WASL: variants seen among roughly 807,000 people sequenced by gnomAD.
WASL encodes the protein actin nucleation-promoting factor WASL.
In WASL, 20 loss-of-function variants were observed where a neutral mutation model predicts 55.5. That is an observed-to-expected ratio of 0.36 (90% confidence interval 0.25 to 0.52). WASL has a LOEUF of 0.52. Among genes scored for constraint, WASL ranks in the 20% least tolerant of loss-of-function variants. WASL has a pLI of 0.92. For synonymous variants in WASL, 249 were observed against 217.6 expected (o/e 1.14, Z -1.27); for missense variants, 504 against 622.5 (o/e 0.81, Z 2.03).
chr7:123,735,847 T>C (rs1208478734), intron 1 of WASL, among the ~76,000 whole-genome samples: 4 of 152,040 alleles, frequency 2.6e-5, no homozygotes, highest in Admixed American at 6.6e-5. Context: ...CTAATATATC[T>C]GAAACGCAGG....
chr7:123,684,457 C>A lies in WASL; in HGVS notation c.*62G>T. The A allele has an allele frequency of 1.9e-6, 1 of 516,258 alleles. No homozygotes were observed. 32.0% of individuals were successfully genotyped at this position (516,258 alleles called of 1,614,324 possible). On this transcript the variant is annotated 3_prime_UTR_variant, in exon 11 of 11. Transcript: ENST00000223023. The stretch of plus-strand genomic sequence containing the variant: ...TTACATGATAATTTTACAGAATCCA[C>A]AGACAGAAAGTAGTGTTTAGTATTT...
chr7:123,716,690 G>A (rs1198972759), intron 1 of WASL, among the ~76,000 whole-genome samples: 3 of 151,928 alleles, frequency 2.0e-5, no homozygotes, highest in Admixed American at 1.3e-4. Flanking sequence ...GAAGGAAGGG[G>A]GAGAGAAAGA....
chr7:123,731,791 G>A (rs1290820682), intron 1 of WASL, among the ~76,000 whole-genome samples: 1 of 152,060 alleles, frequency 6.6e-6, no homozygotes, highest in Non-Finnish European at 1.5e-5. Flanking sequence ...AGGAAAAGCA[G>A]AAATGTGCTA....
intron 1 of WASL, among the ~76,000 whole-genome samples, chr7:123,717,191 G>GA (rs891230922): frequency 1.3e-4 from 19 of 150,448 alleles, no homozygotes; most frequent in African/African-American, 3.4e-4. Context: ...TGGTGCATGA[G>GA]AAAAAAAAAC....
chr7:123,735,114 C>T (rs1198972892), intron 1 of WASL, among the ~76,000 whole-genome samples: 1 of 133,522 alleles, frequency 7.5e-6, no homozygotes, highest in East Asian at 2.2e-4. Context: ...AATGAATACA[C>T]AGTGCAAGTG....
intron 1 of WASL, among the ~76,000 whole-genome samples, chr7:123,717,085 G>GC (rs1803857786): frequency 6.6e-6 from 1 of 151,848 alleles, no homozygotes; most frequent in Non-Finnish European, 1.5e-5. Flanking sequence ...TTTCTCTAAC[G>GC]CCCCCTTTTG....
chr7:123,731,549 T>A (rs1357466256), intron 1 of WASL, among the ~76,000 whole-genome samples: 1 of 152,080 alleles, frequency 6.6e-6, no homozygotes, highest in African/African-American at 2.4e-5. Context: ...AGAGACCACA[T>A]TTTGGGCCAT....
In WASL at chr7:123,684,364, T is replaced by A; in HGVS notation, c.*155A>T. On this transcript the variant is annotated 3_prime_UTR_variant, in exon 11 of 11. Transcript: ENST00000223023. ...TTACGACAAACCTTTACAGATTAAA[T>A]GAGGTATTGCACAGATTAAAAAAAA... is the stretch of plus-strand genomic sequence containing the variant. 1 of 308,540 alleles carries A rather than the reference T, an allele frequency of 3.2e-6. No individual in the cohort carries two copies. Among genetic ancestry groups the A allele is most frequent in the Non-Finnish European group, 6.2e-6 (1 of 161,262 alleles). The allele number at this position is 308,540 out of a possible 1,614,324, so 19.1% of individuals were successfully genotyped here.
At chr7:123,732,779 A>C (rs1804161299) in intron 1 of WASL, among the ~76,000 whole-genome samples, 1 of 152,122 alleles carries the variant, frequency 6.6e-6, no homozygotes, top group Admixed American at 6.6e-5. Flanking sequence ...ACAAAGATGG[A>C]AAAAAAATCA....
At chr7:123,725,993 AT>A (rs1352373106) in intron 1 of WASL, among the ~76,000 whole-genome samples, 5 of 152,188 alleles carry the variant, frequency 3.3e-5, no homozygotes, top group African/African-American at 1.2e-4. Context: ...ACTGTTAAAT[AT>A]TACCTAGAGA....
chr7:123,748,064 G>T (rs1175880761), intron 1 of WASL, among the ~76,000 whole-genome samples: 3 of 152,004 alleles, frequency 2.0e-5, no homozygotes, highest in Admixed American at 2.0e-4. Context: ...TCTCTTTAAC[G>T]AAGAGCAATA....
intron 1 of WASL, among the ~76,000 whole-genome samples, chr7:123,727,353 TCACACACA>T (rs150375537): frequency 2.0e-4 from 30 of 147,818 alleles, no homozygotes; most frequent in African/African-American, 3.5e-4. Context: ...AAAATATGTG[TCACACACA>T]CACACACACA....
intron 1 of WASL, among the ~76,000 whole-genome samples, chr7:123,715,587 A>G (rs1468270818): frequency 2.6e-5 from 4 of 152,204 alleles, no homozygotes; most frequent in Admixed American, 2.6e-4. Flanking sequence ...GTTATGACAA[A>G]TTTTTGGTTA....
chr7:123,748,832 G>A lies in WASL; in HGVS notation c.-98C>T. The stretch of plus-strand genomic sequence containing the variant: ...GGTGACAGGGGCGGGGAGAAGTGGA[G>A]TCAGAGGCGCCACATCTCGCAGCTC... On this transcript the variant is annotated 5_prime_UTR_variant, in exon 1 of 11. Coordinates refer to ENST00000223023, the MANE Select transcript of WASL (RefSeq NM_003941.4). The A allele has an allele frequency of 9.7e-7, 1 of 1,032,140 alleles. No homozygotes were observed. Among genetic ancestry groups the A allele is most frequent in the Non-Finnish European group, 1.4e-6 (1 of 733,786 alleles). The allele number at this position is 1,032,140 out of a possible 1,614,324, so 63.9% of individuals were successfully genotyped here. A position where few individuals can be genotyped will look rare whatever the true frequency, so the allele number is the denominator to read the frequency against.
intron 9 of WASL, among the ~76,000 whole-genome samples, chr7:123,690,351 G>T (rs187944691): frequency 6.6e-6 from 1 of 152,264 alleles, no homozygotes; most frequent in East Asian, 1.9e-4. Flanking sequence ...TTTAAAGTAA[G>T]TCTATGGTTT....
intron 2 of WASL, 46 bp from the exon 3 acceptor site, chr7:123,706,872 C>A: frequency 1.7e-6 from 2 of 1,210,288 alleles, no homozygotes; most frequent in Non-Finnish European, 1.2e-6. Context: ...AAAACATAAT[C>A]TCTAGGAATA....
intron 1 of WASL, among the ~76,000 whole-genome samples, chr7:123,736,727 G>T (rs1162519551): frequency 1.3e-5 from 2 of 152,170 alleles, no homozygotes; most frequent in Non-Finnish European, 2.9e-5. Flanking sequence ...GTATAAAAGT[G>T]CAGAAGAAAA....
rs778548745 is a variant in WASL at position 123,706,733 on chromosome 7, G to T, written c.339+7C>A. The T allele has an allele frequency of 2.9e-5, 45 of 1,545,850 alleles. No homozygotes were observed. The highest frequency in any genetic ancestry group is 3.6e-5 in the Non-Finnish European group (41 of 1,146,272). On this transcript the variant is annotated splice_region_variant and intron_variant, in intron 3 of 10. Transcript: ENST00000223023. ...TAAAGATGGCAATAAAGAAAAATATGACTTACATCTCCAGCAAAGGTATGA... is the reference window on the plus strand; with the variant it reads ...TAAAGATGGCAATAAAGAAAAATATTACTTACATCTCCAGCAAAGGTATGA...
At chr7:123,727,243 G>C (rs954436778) in intron 1 of WASL, among the ~76,000 whole-genome samples, 1 of 152,072 alleles carries the variant, frequency 6.6e-6, no homozygotes, top group Admixed American at 6.6e-5. Flanking sequence ...TGCAAAGATT[G>C]CACAACCACT....
Sources: allele counts gnomAD v4.1 joint callset (sites outside exome capture counted in the v4.1 genomes callset), GRCh38; gene constraint gnomAD v4.1.1; transcripts MANE v1.5; gene names NCBI Gene and HGNC (gene_info 2026-07-23, HGNC 2026-07-21).